The following PPP2R2B variants were observed in gnomAD, a reference collection of about 807,000 sequenced individuals.
PPP2R2B encodes serine/threonine-protein phosphatase 2A 55 kDa regulatory subunit B beta isoform.
Under a neutral mutation model 46.0 loss-of-function variants are expected in PPP2R2B, and 5 were observed. That is an observed-to-expected ratio of 0.11 (90% confidence interval 0.06 to 0.23). The LOEUF (loss-of-function observed/expected upper bound fraction) is 0.23, where lower values mean the gene tolerates loss of function less well. Among genes scored for constraint, PPP2R2B ranks in the 10% least tolerant of loss-of-function variants. PPP2R2B has a pLI of 1.00. For missense variants in PPP2R2B, 367 were observed against 575.0 expected (o/e 0.64, Z 3.70); for synonymous variants, 215 against 206.7 (o/e 1.04, Z -0.34).
At chr5:146,671,003 T>G (rs1777327526) in intron 5 of PPP2R2B, among the ~76,000 whole-genome samples, 1 of 152,154 alleles carries the variant, frequency 6.6e-6, no homozygotes, top group African/African-American at 2.4e-5. Flanking sequence ...GTTCTCAGTT[T>G]AAAAAAATCA....
At chr5:146,629,204 A>C (rs1195174171) in intron 7 of PPP2R2B, among the ~76,000 whole-genome samples, 1 of 152,212 alleles carries the variant, frequency 6.6e-6, no homozygotes, top group Non-Finnish European at 1.5e-5. Flanking sequence ...AATTGGATGA[A>C]TCACAGACAT....
chr5:146,973,730 G>GTAT (rs1752768492), intron 1 of PPP2R2B, among the ~76,000 whole-genome samples: 1 of 152,064 alleles, frequency 6.6e-6, no homozygotes, highest in Non-Finnish European at 1.5e-5. Flanking sequence ...AGAGGTAAGT[G>GTAT]GTATAACCTA....
intron 1 of PPP2R2B, among the ~76,000 whole-genome samples, chr5:146,966,602 T>G (rs1752424748): frequency 6.6e-6 from 1 of 152,224 alleles, no homozygotes; most frequent in Non-Finnish European, 1.5e-5. Context: ...ACTTTCTTTC[T>G]GTTTCCCATC....
chr5:146,883,170 A>T (rs186368673), upstream of PPP2R2B, among the ~76,000 whole-genome samples: 2 of 152,232 alleles, frequency 1.3e-5, no homozygotes, highest in Non-Finnish European at 1.5e-5. Flanking sequence ...TATAAATTTC[A>T]TGACCTTTGG....
intron 2 of PPP2R2B, among the ~76,000 whole-genome samples, chr5:146,804,365 C>T (rs1290176691): frequency 6.6e-6 from 1 of 152,022 alleles, no homozygotes; most frequent in African/African-American, 2.4e-5. Flanking sequence ...TGACTTGCTC[C>T]AGGTGTCACT....
chr5:146,860,485 T>TA (rs1760921232), intron 2 of PPP2R2B, among the ~76,000 whole-genome samples: 1 of 152,202 alleles, frequency 6.6e-6, no homozygotes, highest in South Asian at 2.1e-4. Context: ...GAGTGGATGG[T>TA]AGTATTCTCC....
chr5:147,066,713 C>T (rs549865183), intron 2 of PPP2R2B, among the ~76,000 whole-genome samples: 1 of 152,138 alleles, frequency 6.6e-6, no homozygotes, highest in Non-Finnish European at 1.5e-5. Flanking sequence ...TAATGCCTTT[C>T]TTGGACTGCT....
intron 1 of PPP2R2B, among the ~76,000 whole-genome samples, chr5:147,010,227 A>G (rs943612763): frequency 3.9e-5 from 6 of 152,208 alleles, no homozygotes; most frequent in Non-Finnish European, 8.8e-5. Context: ...ACTTAGAGTC[A>G]GCTAGACTAG....
In PPP2R2B at chr5:146,808,998, C is replaced by T. The variant is rs574242952; in HGVS notation, c.70+69004G>A. On this transcript the variant is annotated intron_variant, in intron 2 of 9. Transcript: ENST00000394411. Reference sequence around the variant, plus strand: ...GTGTGTGTGTGTGTGTGTGTGTGCGCGCGCACCCACTTCTCCAGTGATGAA... The same window carrying T: ...GTGTGTGTGTGTGTGTGTGTGTGCGTGCGCACCCACTTCTCCAGTGATGAA... Among the ~76,000 whole-genome samples the T allele has an allele frequency of 1.2e-3, 165 of 142,210 alleles. No homozygotes were observed. In the East Asian group the frequency reaches 0.017, roughly 15 times the overall value. 93.3% of individuals were successfully genotyped at this position (142,210 alleles called of 152,430 possible).
At chr5:146,716,463 A>C (rs1038022264) in intron 2 of PPP2R2B, among the ~76,000 whole-genome samples, 1 of 152,194 alleles carries the variant, frequency 6.6e-6, no homozygotes, top group African/African-American at 2.4e-5. Flanking sequence ...TTTCTCTAAT[A>C]ATACAATTTA....
chr5:147,076,786 T>G (rs933255586), intron 2 of PPP2R2B, among the ~76,000 whole-genome samples: 1 of 152,094 alleles, frequency 6.6e-6, no homozygotes, highest in Admixed American at 6.6e-5. Context: ...CTGTCTCCTC[T>G]TCAGTGGTGC....
intron 1 of PPP2R2B, among the ~76,000 whole-genome samples, chr5:146,905,406 T>A (rs563785885): frequency 1.3e-5 from 2 of 152,318 alleles, no homozygotes; most frequent in East Asian, 3.9e-4. Flanking sequence ...AATTTTTAAA[T>A]TTTTAAATTT....
chr5:147,052,287 C>G (rs1756865419), intron 1 of PPP2R2B, among the ~76,000 whole-genome samples: 1 of 152,094 alleles, frequency 6.6e-6, no homozygotes, highest in Non-Finnish European at 1.5e-5. Flanking sequence ...GAAATTTATC[C>G]ATACAACAGC....
chr5:146,797,389 T>C (rs1756605371), intron 2 of PPP2R2B, among the ~76,000 whole-genome samples: 2 of 152,238 alleles, frequency 1.3e-5, no homozygotes, highest in African/African-American at 4.8e-5. Flanking sequence ...TTGTGTGTAC[T>C]GAACATTATA....
chr5:146,709,578 A>C (rs1353998094), intron 2 of PPP2R2B, among the ~76,000 whole-genome samples: 2 of 152,214 alleles, frequency 1.3e-5, no homozygotes, highest in African/African-American at 4.8e-5. Context: ...CCCTGAATAA[A>C]AGGAAGTAAG....
At chr5:147,026,516 T>G (rs1755533624) in intron 1 of PPP2R2B, among the ~76,000 whole-genome samples, 1 of 152,162 alleles carries the variant, frequency 6.6e-6, no homozygotes, top group African/African-American at 2.4e-5. Flanking sequence ...TCTTAATTAG[T>G]GATAGTTTCA....
chr5:147,047,970 T>C (rs1329684574), intron 1 of PPP2R2B, among the ~76,000 whole-genome samples: 1 of 152,134 alleles, frequency 6.6e-6, no homozygotes, highest in African/African-American at 2.4e-5. Context: ...TGTTGAGTTC[T>C]TACCTCTGAC....
At chr5:146,671,146 C>G (rs1777339385) in intron 5 of PPP2R2B, among the ~76,000 whole-genome samples, 1 of 152,166 alleles carries the variant, frequency 6.6e-6, no homozygotes, top group Non-Finnish European at 1.5e-5. Flanking sequence ...TTCAATATTA[C>G]TTACAGTTGT....
At chr5:147,041,134 G>C (rs150177740) in intron 1 of PPP2R2B, among the ~76,000 whole-genome samples, 2 of 152,274 alleles carry the variant, frequency 1.3e-5, no homozygotes, top group East Asian at 3.9e-4. Context: ...TTCTCTGTGT[G>C]GTTTTGGGAA....
Sources: gnomAD v4.1 joint callset for allele counts (sites outside exome capture counted in the v4.1 genomes callset) on GRCh38, gnomAD v4.1.1 for gene constraint, MANE v1.5 for transcripts, NCBI Gene and HGNC (gene_info 2026-07-23, HGNC 2026-07-21) for gene names.